Variants in SENP1 observed in about 807,000 individuals in gnomAD.
SENP1 encodes the protein SUMO specific peptidase 1.
SENP1 carries 21 observed loss-of-function variants against 93.0 expected under a neutral mutation model. The observed-to-expected ratio is 0.23, with a 90% CI of 0.16 to 0.33. The LOEUF is 0.33. Among genes scored for constraint, SENP1 ranks in the 10% least tolerant of loss-of-function variants. The pLI is 1.00. For missense variants in SENP1, 591 were observed against 758.7 expected, an observed-to-expected ratio of 0.78 and a Z score of 2.60; for synonymous variants, 256 against 259.6, an observed-to-expected ratio of 0.99 and a Z score of 0.13.
chr12:48,055,869 A>C (rs1442398927), intron 13 of SENP1, among the ~76,000 whole-genome samples: 2 of 142,164 alleles, frequency 1.4e-5, no homozygotes, highest in Non-Finnish European at 3.0e-5. Flanking sequence ...ATAATATATT[A>C]ATATATTACA....
At chr12:48,052,694 G>A (rs955857614) in intron 13 of SENP1, among the ~76,000 whole-genome samples, 1 of 152,166 alleles carries the variant, frequency 6.6e-6, no homozygotes, top group Admixed American at 6.5e-5. Flanking sequence ...CAAATTATCA[G>A]AATTAAAGCT....
chr12:48,050,413 G>A (rs561933059), intron 13 of SENP1, among the ~76,000 whole-genome samples: 36 of 152,260 alleles, frequency 2.4e-4, no homozygotes, highest in East Asian at 1.5e-3. Flanking sequence ...AGGCAGCTGC[G>A]GGAAAACCAC....
intron 16 of SENP1, among the ~76,000 whole-genome samples, chr12:48,046,682 C>T (rs1436756752): frequency 1.3e-5 from 2 of 152,070 alleles, no homozygotes; most frequent in South Asian, 2.1e-4. Flanking sequence ...TCCCATGGCA[C>T]CTAAGGGTAT....
At chr12:48,073,885 G>A (rs1193038289) in intron 8 of SENP1, among the ~76,000 whole-genome samples, 1 of 152,144 alleles carries the variant, frequency 6.6e-6, no homozygotes, top group Non-Finnish European at 1.5e-5. Context: ...TAAATAAAAT[G>A]TATCAAATCA....
chr12:48,079,399 T>C (rs1356887349), intron 6 of SENP1, among the ~76,000 whole-genome samples: 2 of 151,796 alleles, frequency 1.3e-5, no homozygotes, highest in Non-Finnish European at 2.9e-5. Flanking sequence ...CTCAGGAGGC[T>C]GAGGCAGGAG....
intron 6 of SENP1, among the ~76,000 whole-genome samples, chr12:48,077,048 T>C (rs992397557): frequency 5.3e-5 from 8 of 152,194 alleles, no homozygotes; most frequent in Admixed American, 3.3e-4. Context: ...AATGTTTAGC[T>C]CCCACTTATA....
At chr12:48,103,861 A>G (rs1294534874) in intron 1 of SENP1, among the ~76,000 whole-genome samples, 1 of 152,140 alleles carries the variant, frequency 6.6e-6, no homozygotes, top group African/African-American at 2.4e-5. Context: ...AACCTTACAT[A>G]TATGCAAAAA....
chr12:48,086,465 A>G (rs1174807842), intron 5 of SENP1, among the ~76,000 whole-genome samples: 1 of 152,222 alleles, frequency 6.6e-6, no homozygotes, highest in Non-Finnish European at 1.5e-5. Flanking sequence ...TTTAGATTAC[A>G]TTCAAGTCAC....
Position 48,091,592 on chromosome 12 carries a change from A to C in SENP1, c.221-2632T>G, listed in dbSNP as rs142941522. On this transcript the variant is annotated intron_variant, in intron 4 of 17. Transcript: ENST00000549518. ...AAGTATCATTCTGGTAACCTAATGT[A>C]ACATATTTTCCAAAGAGAAGACATT... Among the ~76,000 whole-genome samples the C allele has an allele frequency of 5.6e-3, 858 of 152,338 alleles. 7 individuals are homozygous for C. The highest frequency in any genetic ancestry group is 0.019 in the African/African-American group (802 of 41,580).
chr12:48,087,018 G>A (rs879685749), intron 5 of SENP1, among the ~76,000 whole-genome samples: 3 of 152,010 alleles, frequency 2.0e-5, no homozygotes, highest in Non-Finnish European at 2.9e-5. Flanking sequence ...CAGCCTGGCC[G>A]ACAGAGCAAG....
At chr12:48,059,365 GTCTAA>G (rs1289412927) in intron 13 of SENP1, among the ~76,000 whole-genome samples, 1 of 151,934 alleles carries the variant, frequency 6.6e-6, no homozygotes, top group Non-Finnish European at 1.5e-5. Context: ...CTTATGAAGT[GTCTAA>G]TCTATTAATA....
At chr12:48,086,166 G>T (rs952125035) in intron 5 of SENP1, among the ~76,000 whole-genome samples, 7 of 152,162 alleles carry the variant, frequency 4.6e-5, no homozygotes, top group Admixed American at 3.3e-4. Context: ...TGAAACATAT[G>T]AAGTGTCTAT....
At chr12:48,068,611 G>C (rs546435274) in intron 9 of SENP1, among the ~76,000 whole-genome samples, 1 of 151,980 alleles carries the variant, frequency 6.6e-6, no homozygotes, top group Non-Finnish European at 1.5e-5. Context: ...AAAAAAAAGC[G>C]GGGGAGGAAT....
At chr12:48,055,104 C>T (rs1304377695) in intron 13 of SENP1, 4 of 229,560 alleles carry the variant, frequency 1.7e-5, no homozygotes, top group Middle Eastern at 2.1e-3. Context: ...TTCTTTTAGC[C>T]GTGGCAGTCC....
intron 6 of SENP1, among the ~76,000 whole-genome samples, chr12:48,083,054 G>C (rs1447290939): frequency 6.6e-6 from 1 of 152,036 alleles, no homozygotes; most frequent in African/African-American, 2.4e-5. Flanking sequence ...ACAGATATGA[G>C]CCACCAAGCC....
At chr12:48,074,954 T>A (rs1399970213) in intron 6 of SENP1, among the ~76,000 whole-genome samples, 161 bp from the exon 7 acceptor site, 1 of 151,906 alleles carries the variant, frequency 6.6e-6, no homozygotes, top group Non-Finnish European at 1.5e-5. Context: ...TGCCTGTAAT[T>A]CCAGCACTTT....
rs1254655015 is a variant in SENP1, at chr12:48,074,435, G to T, written c.829C>A (p.Pro277Thr). 2 of 1,613,680 alleles carry T rather than the reference G, an allele frequency of 1.2e-6. No individual in the cohort carries two copies. The highest frequency in any genetic ancestry group is 1.7e-6 in the Non-Finnish European group (2 of 1,179,782). Reference protein sequence around the residue: ...HSVYSLSSYTPDVAFGSKDSG... With the variant: ...HSVYSLSSYTTDVAFGSKDSG... ...TCTTTGGATCCAAATGCAACATCTG[G>T]GGTATAAGAAGATAGGGAATATACA... Residue 277 changes from proline to threonine, a missense_variant, in exon 8 of 18, where the codon CCA (proline) becomes ACA (threonine). Around this residue, in one of 4 missense-constraint regions of SENP1, gnomAD observed 238 missense variants for 259.1 expected, o/e 0.92. Transcript: ENST00000549518.
intron 13 of SENP1, among the ~76,000 whole-genome samples, chr12:48,061,242 A>G (rs1282332095): frequency 6.6e-6 from 1 of 152,212 alleles, no homozygotes; most frequent in Non-Finnish European, 1.5e-5. Flanking sequence ...ACAATGTATC[A>G]GTCACCTATT....
At chr12:48,100,243 C>T (rs1191625649) in intron 2 of SENP1, among the ~76,000 whole-genome samples, 1 of 152,150 alleles carries the variant, frequency 6.6e-6, no homozygotes, top group African/African-American at 2.4e-5. Context: ...AATGTCCTAA[C>T]CACAATTCTC....
Sources: gnomAD v4.1 joint callset for allele counts (sites outside exome capture counted in the v4.1 genomes callset) on GRCh38, gnomAD v4.1.1 for gene constraint, gnomAD v4.1.1 regional missense constraint, MANE v1.5 for transcripts, NCBI Gene and HGNC (gene_info 2026-07-23, HGNC 2026-07-21) for gene names.